The following TANGO6 variants were observed in gnomAD, a reference collection of about 807,000 sequenced individuals.
TANGO6 encodes the protein transport and golgi organization 6 homolog, also known as transport and Golgi organization protein 6 homolog.
A neutral mutation model predicts 114.2 loss-of-function variants in TANGO6; 90 were observed. The ratio of observed to expected loss-of-function variants is 0.79; its 90% CI spans 0.66 to 0.94. The LOEUF (loss-of-function observed/expected upper bound fraction) is 0.94, where lower values mean the gene tolerates loss of function less well. Among genes scored for constraint, TANGO6 ranks in the 40% least tolerant of loss-of-function variants. The pLI, the probability that TANGO6 is intolerant of heterozygous loss-of-function variation, is 0.00. For synonymous variants in TANGO6, 477 were observed against 509.8 expected (o/e 0.94, Z 0.87); for missense variants, 1,274 against 1,315.3 (o/e 0.97, Z 0.49).
intron 3 of TANGO6, among the ~76,000 whole-genome samples, chr16:68,863,745 G>C (rs1028299399): frequency 2.0e-5 from 3 of 152,150 alleles, no homozygotes; most frequent in Admixed American, 6.5e-5. Flanking sequence ...CTAATTCTTT[G>C]AATGGATAAT....
chr16:69,001,772 T>C (rs1359612784), intron 15 of TANGO6, among the ~76,000 whole-genome samples: 1 of 152,178 alleles, frequency 6.6e-6, no homozygotes, highest in Non-Finnish European at 1.5e-5. Context: ...CCGAAGCTGG[T>C]GGCCAACCCA....
intron 1 of TANGO6, among the ~76,000 whole-genome samples, chr16:68,856,669 A>G (rs1197716443): frequency 6.6e-6 from 1 of 152,212 alleles, no homozygotes; most frequent in African/African-American, 2.4e-5. Context: ...TGATAAACCA[A>G]TGTTGATACA....
At chr16:68,848,078 C>T (rs1200302503) in intron 1 of TANGO6, among the ~76,000 whole-genome samples, 1 of 151,082 alleles carries the variant, frequency 6.6e-6, no homozygotes, top group Non-Finnish European at 1.5e-5. Context: ...TATTGTTTCT[C>T]TCTCTCTCTC....
intron 15 of TANGO6, among the ~76,000 whole-genome samples, chr16:69,019,069 A>G (rs2152226933): frequency 6.6e-6 from 1 of 152,300 alleles, no homozygotes; most frequent in South Asian, 2.1e-4. Flanking sequence ...GTCAGTATAT[A>G]TAATTCTGTC....
intron 17 of TANGO6, among the ~76,000 whole-genome samples, chr16:69,077,829 CAAAAAAG>C (rs1267445206): frequency 4.0e-5 from 6 of 151,614 alleles, no homozygotes; most frequent in Non-Finnish European, 7.4e-5. Flanking sequence ...GACTCTTTCT[CAAAAAAG>C]AAAAAAGAAA....
chr16:68,949,630 A>G (rs1181229822), intron 14 of TANGO6, among the ~76,000 whole-genome samples: 1 of 152,134 alleles, frequency 6.6e-6, no homozygotes, highest in Non-Finnish European at 1.5e-5. Context: ...AAAGAAAAAA[A>G]AAAAAAGCTT....
intron 14 of TANGO6, among the ~76,000 whole-genome samples, chr16:68,943,264 T>G (rs1302726476): frequency 6.6e-6 from 1 of 151,306 alleles, no homozygotes; most frequent in East Asian, 1.9e-4. Context: ...TTTCTTTATT[T>G]TATTTTATTA....
At chr16:69,032,226 A>C (rs1403614618) in intron 16 of TANGO6, among the ~76,000 whole-genome samples, 1 of 151,824 alleles carries the variant, frequency 6.6e-6, no homozygotes, top group African/African-American at 2.4e-5. Context: ...CGGAAGAATG[A>C]AATGATCTAA....
intron 15 of TANGO6, among the ~76,000 whole-genome samples, chr16:68,981,441 C>A (rs1037680043): frequency 6.6e-6 from 1 of 152,002 alleles, no homozygotes; most frequent in Non-Finnish European, 1.5e-5. Context: ...GACCTCCTGA[C>A]CTCAGGTGAT....
intron 17 of TANGO6, among the ~76,000 whole-genome samples, chr16:69,083,214 C>T (rs1189908380): frequency 6.6e-6 from 1 of 151,712 alleles, no homozygotes; most frequent in Non-Finnish European, 1.5e-5. Context: ...GCATGCGCCA[C>T]CACACCCGGC....
chr16:68,898,297 A>G, intron 7 of TANGO6, among the ~76,000 whole-genome samples: 1 of 152,126 alleles, frequency 6.6e-6, no homozygotes, highest in East Asian at 1.9e-4. Flanking sequence ...CAGGCTCCAG[A>G]GAGGAGTCAG....
intron 13 of TANGO6, among the ~76,000 whole-genome samples, chr16:68,928,955 G>A (rs113956975): frequency 2.6e-5 from 4 of 152,054 alleles, no homozygotes; most frequent in Non-Finnish European, 5.9e-5. Context: ...GTCTCGCTCC[G>A]TCGCCCAGGC....
At chr16:68,964,802 G>A (rs1333641914) in intron 14 of TANGO6, among the ~76,000 whole-genome samples, 1 of 151,912 alleles carries the variant, frequency 6.6e-6, no homozygotes, top group African/African-American at 2.4e-5. Flanking sequence ...CTGGCCTCAA[G>A]TGATTCTTTC....
At chr16:68,909,769 T>A (rs1243909747) in intron 11 of TANGO6, among the ~76,000 whole-genome samples, 23 of 152,188 alleles carry the variant, frequency 1.5e-4, no homozygotes, top group Admixed American at 1.5e-3. Flanking sequence ...ATGTCTGCAT[T>A]AGAGCCCGGG....
chr16:68,995,293 A>C (rs938853107), intron 15 of TANGO6, among the ~76,000 whole-genome samples: 12 of 152,228 alleles, frequency 7.9e-5, no homozygotes, highest in African/African-American at 2.9e-4. Context: ...TGAAGAAAGC[A>C]GCAGATCAAC....
chr16:68,928,077 T>C lies in TANGO6; in HGVS notation c.2637T>C (p.Leu879=), dbSNP rs1313498468. The change falls in exon 13 of 18, where the codon CTT becomes CTC. Residue 879 remains leucine, a synonymous_variant. Transcript: ENST00000261778. ...EAKALEMQEK[L]LKIFLENLEH... is the part of the protein sequence containing the mutation. ...AAGCCCTTGAGATGCAAGAGAAGCT[T>C]CTCAAGGTGAGTAGAACACACTGTA... is the stretch of plus-strand genomic sequence containing the variant. The C allele has an allele frequency of 2.5e-6, 4 of 1,576,990 alleles. No homozygotes were observed. In the Admixed American group the frequency reaches 7.5e-5, roughly 29 times the overall value.
chr16:68,964,910 A>G (rs1567549511), intron 14 of TANGO6, among the ~76,000 whole-genome samples: 1 of 152,074 alleles, frequency 6.6e-6, no homozygotes, highest in African/African-American at 2.4e-5. Flanking sequence ...CCACTGTATG[A>G]ATGACCATCA....
chr16:68,946,421 C>G (rs2152203712), intron 14 of TANGO6, among the ~76,000 whole-genome samples: 1 of 152,188 alleles, frequency 6.6e-6, no homozygotes, highest in Non-Finnish European at 1.5e-5. Context: ...GTCTTGATCT[C>G]TTGACCTCGT....
chr16:69,037,034 G>A (rs1202181160), intron 16 of TANGO6, among the ~76,000 whole-genome samples: 1 of 151,664 alleles, frequency 6.6e-6, no homozygotes, highest in Non-Finnish European at 1.5e-5. Flanking sequence ...TACTAGGGAG[G>A]CTGAGGTGGG....
Sources: gnomAD v4.1 joint callset for allele counts (sites outside exome capture counted in the v4.1 genomes callset) on GRCh38, gnomAD v4.1.1 for gene constraint, MANE v1.5 for transcripts, NCBI Gene and HGNC (gene_info 2026-07-23, HGNC 2026-07-21) for gene names.